The following CDH13 variants were observed in gnomAD, a reference collection of about 807,000 sequenced individuals.
CDH13 encodes the protein cadherin-13.
In CDH13, 24 loss-of-function variants were observed where a neutral mutation model predicts 63.8. The observed-to-expected ratio is 0.38, with a 90% confidence interval of 0.27 to 0.53. The LOEUF is 0.53. CDH13 is among the 20% of genes least tolerant of loss of function. CDH13 has a pLI of 0.85. For missense variants in CDH13, 1,049 were observed against 903.1 expected (o/e 1.16, Z -2.07); for synonymous variants, 503 against 355.3 (o/e 1.42, Z -4.67).
At chr16:82,638,812 AG>A (rs1217501662) in intron 1 of CDH13, among the ~76,000 whole-genome samples, 1 of 55,182 alleles carries the variant, frequency 1.8e-5, no homozygotes. Flanking sequence ...AGGCTTTATT[AG>A]GGCAGTGTGT....
intron 3 of CDH13, among the ~76,000 whole-genome samples, chr16:83,049,323 C>CAA (rs1192950905): frequency 1.4e-5 from 1 of 68,992 alleles, no homozygotes; most frequent in Non-Finnish European, 3.0e-5. Context: ...TATGACTGGC[C>CAA]TCTTTTTTTT....
intron 3 of CDH13, among the ~76,000 whole-genome samples, chr16:83,119,345 A>G (rs1268997178): frequency 2.0e-5 from 3 of 152,030 alleles, no homozygotes; most frequent in Admixed American, 6.6e-5. Flanking sequence ...TGATTGTGAC[A>G]TTTGTCTCCC....
At chr16:83,113,114 C>T (rs527803990) in intron 3 of CDH13, among the ~76,000 whole-genome samples, 1 of 152,296 alleles carries the variant, frequency 6.6e-6, no homozygotes, top group African/African-American at 2.4e-5. Flanking sequence ...CTCCAGAAAA[C>T]AAAACCAAGA....
intron 6 of CDH13, among the ~76,000 whole-genome samples, chr16:83,364,018 C>G (rs2091212637): frequency 6.6e-6 from 1 of 152,104 alleles, no homozygotes; most frequent in Non-Finnish European, 1.5e-5. Flanking sequence ...CACACTCACC[C>G]CTCCAATTTA....
chr16:83,455,598 A>T (rs1436423454), intron 6 of CDH13, among the ~76,000 whole-genome samples: 2 of 152,108 alleles, frequency 1.3e-5, no homozygotes, highest in Admixed American at 6.5e-5. Flanking sequence ...CTCTGCTTCC[A>T]GCTGCGTTTT....
At chr16:82,834,278 C>G (rs1047373698) in intron 1 of CDH13, among the ~76,000 whole-genome samples, 42 of 152,216 alleles carry the variant, frequency 2.8e-4, no homozygotes, top group African/African-American at 8.4e-4. Context: ...TGGCTGAGCT[C>G]TAGTCAATTC....
chr16:83,036,866 C>G (rs1473685046), intron 3 of CDH13, among the ~76,000 whole-genome samples: 3 of 152,172 alleles, frequency 2.0e-5, no homozygotes, highest in Non-Finnish European at 2.9e-5. Context: ...ACACCCCACA[C>G]AAGCCAGGGT....
chr16:82,992,622 C>G (rs1348039748), intron 2 of CDH13, among the ~76,000 whole-genome samples: 1 of 152,122 alleles, frequency 6.6e-6, no homozygotes, highest in Non-Finnish European at 1.5e-5. Context: ...ATAAATTGGT[C>G]TGATTTAAAA....
Position 83,775,217 on chromosome 16 carries a change from C to T in CDH13, c.1682-4751C>T, listed in dbSNP as rs751870231. 2.2e-4 allele frequency among the ~76,000 whole-genome samples: 34 copies of T among 151,910 alleles called. 1 individual carries two copies. The highest frequency in any genetic ancestry group is 6.2e-4 in the South Asian group (3 of 4,806). Reference sequence around the variant, plus strand: ...CCTCACCATACCTACAATGAATTGGCCTCAGATCTTCTGCTCTGATCTTGC... The same window carrying T: ...CCTCACCATACCTACAATGAATTGGTCTCAGATCTTCTGCTCTGATCTTGC... On this transcript the variant is annotated intron_variant, in intron 11 of 13. Coordinates refer to ENST00000567109, the MANE Select transcript of CDH13 (RefSeq NM_001257.5).
chr16:83,073,354 TGAGA>T (rs58505161), intron 3 of CDH13, among the ~76,000 whole-genome samples: 1,658 of 139,822 alleles, frequency 0.012, 38 homozygotes, highest in African/African-American at 0.041. Flanking sequence ...TGTGTGTGTG[TGAGA>T]GAGAGAGAGA....
intron 3 of CDH13, among the ~76,000 whole-genome samples, chr16:83,071,080 C>T (rs1197754725): frequency 6.6e-6 from 1 of 152,072 alleles, no homozygotes; most frequent in Non-Finnish European, 1.5e-5. Context: ...CATGAGACAC[C>T]ATGCCTCTTA....
chr16:83,136,788 G>A (rs2036309266), intron 4 of CDH13, among the ~76,000 whole-genome samples: 1 of 152,200 alleles, frequency 6.6e-6, no homozygotes, highest in Admixed American at 6.5e-5. Flanking sequence ...CAGCCTGAAT[G>A]CAGGTTCCCA....
chr16:83,630,168 C>T (rs1910651049), intron 8 of CDH13, among the ~76,000 whole-genome samples: 1 of 152,142 alleles, frequency 6.6e-6, no homozygotes, highest in South Asian at 2.1e-4. Context: ...TGAGATCAGG[C>T]ATAGTTTTTA....
intron 5 of CDH13, among the ~76,000 whole-genome samples, chr16:83,253,690 G>A (rs1905864958): frequency 6.6e-6 from 1 of 152,196 alleles, no homozygotes; most frequent in African/African-American, 2.4e-5. Context: ...AAGATCATGT[G>A]AGTTAATACA....
chr16:83,523,205 C>G (rs927910622), intron 7 of CDH13, among the ~76,000 whole-genome samples: 1 of 152,170 alleles, frequency 6.6e-6, no homozygotes, highest in African/African-American at 2.4e-5. Context: ...AGTGCAGGAT[C>G]CATGTCTATG....
chr16:83,395,692 C>T (rs2091874324), intron 6 of CDH13, among the ~76,000 whole-genome samples: 1 of 152,116 alleles, frequency 6.6e-6, no homozygotes, highest in African/African-American at 2.4e-5. Flanking sequence ...CCGGTGGTCA[C>T]CACAGGGTAG....
intron 4 of CDH13, among the ~76,000 whole-genome samples, chr16:83,134,544 G>GGGGAGA (rs2036192984): frequency 1.2e-5 from 1 of 84,334 alleles, no homozygotes; most frequent in Non-Finnish European, 2.2e-5. Flanking sequence ...TGGGGTGGGG[G>GGGGAGA]GAGAGAGAGA....
chr16:83,366,672 C>T (rs2091263365), intron 6 of CDH13, among the ~76,000 whole-genome samples: 1 of 152,162 alleles, frequency 6.6e-6, no homozygotes, highest in African/African-American at 2.4e-5. Flanking sequence ...ACACCTAGAA[C>T]ACATGTGTTG....
intron 7 of CDH13, among the ~76,000 whole-genome samples, chr16:83,573,707 A>G (rs540783240): frequency 6.6e-6 from 1 of 152,322 alleles, no homozygotes; most frequent in Non-Finnish European, 1.5e-5. Context: ...ATGAGGCTGC[A>G]TTTTTAAAAT....
Sources: allele counts gnomAD v4.1 joint callset (sites outside exome capture counted in the v4.1 genomes callset), GRCh38; gene constraint gnomAD v4.1.1; transcripts MANE v1.5; gene names NCBI Gene and HGNC (gene_info 2026-07-23, HGNC 2026-07-21).